The following LPP variants were observed in gnomAD, a reference collection of about 807,000 sequenced individuals.
LPP encodes lipoma-preferred partner.
Under a neutral mutation model 60.4 loss-of-function variants are expected in LPP, and 38 were observed. That is an observed-to-expected ratio of 0.63 (90% CI 0.49 to 0.83). The LOEUF is 0.83. LPP is among the 40% of genes least tolerant of loss of function. The pLI, the probability that LPP is intolerant of heterozygous loss-of-function variation, is 0.00. For missense variants in LPP, 902 were observed against 783.6 expected, an observed-to-expected ratio of 1.15 and a Z score of -1.80; for synonymous variants, 328 against 290.8, an observed-to-expected ratio of 1.13 and a Z score of -1.30.
At position 188,632,585 on chromosome 3, in the gene LPP, C is replaced by T. The variant is rs375377473; in HGVS notation, c.1113+22741C>T. On this transcript the variant is annotated intron_variant, in intron 7 of 11. Transcript: ENST00000617246. The stretch of plus-strand genomic sequence containing the variant: ...CCTCAGTTCCTTTGGAGAATGTCCT[C>T]TCTCAGCTGAAGCTGAGAACATCCA... Among the ~76,000 whole-genome samples the T allele has an allele frequency of 1.6e-4, 24 of 152,344 alleles. No homozygotes were observed. The East Asian group carries it at 4.4e-3, about 28-fold the overall frequency.
rs182516266 is a variant in LPP, at chr3:188,484,597, T to G, written c.199T>G (p.Phe67Val). 9 of 1,611,380 alleles carry G rather than the reference T, an allele frequency of 5.6e-6. No homozygotes were observed. Among genetic ancestry groups the G allele is most frequent in the Non-Finnish European group, 7.6e-6 (9 of 1,177,806 alleles). The change falls in exon 5 of 12, where the codon TTT becomes GTT. Residue 67 changes from phenylalanine (F) to valine (V), a missense_variant. Transcript: ENST00000617246. ...PYKQPGGEGD[F>V]LPPPPPPLDD... Reference sequence around the variant, plus strand: ...TGTTTACTTCTTTTCTGTAGGTGATTTTCTTCCACCCCCACCTCCACCTCT... The same window carrying G: ...TGTTTACTTCTTTTCTGTAGGTGATGTTCTTCCACCCCCACCTCCACCTCT...
In LPP at chr3:188,771,481, A is replaced by G. The variant is rs901694774; in HGVS notation, c.1410+11199A>G. Among the ~76,000 whole-genome samples the G allele has an allele frequency of 5.9e-4, 87 of 146,276 alleles. No homozygotes were observed. The Middle Eastern group carries it at 0.018, about 30-fold the overall frequency. The stretch of plus-strand genomic sequence containing the variant: ...GGAGAATCACTTGAACCCAGGAGGC[A>G]GAGGTTGCAGTGAGCTGGGATTTGT... On this transcript the variant is annotated intron_variant, in intron 9 of 11. Transcript: ENST00000617246.
chr3:188,516,842 A>G (rs1817518542), intron 5 of LPP, among the ~76,000 whole-genome samples: 1 of 152,016 alleles, frequency 6.6e-6, no homozygotes, highest in Non-Finnish European at 1.5e-5. Context: ...CTAAGGTTTA[A>G]TAAGTCCTCC....
chr3:188,543,869 C>G (rs1247542034), intron 6 of LPP, among the ~76,000 whole-genome samples: 1 of 152,144 alleles, frequency 6.6e-6, no homozygotes, highest in Non-Finnish European at 1.5e-5. Context: ...ATCTTATAAA[C>G]CTGCCGATCA....
chr3:188,843,290 T>C (rs1000020549), intron 9 of LPP, among the ~76,000 whole-genome samples: 11 of 152,142 alleles, frequency 7.2e-5, no homozygotes, highest in African/African-American at 2.7e-4. Context: ...CATTTATTCC[T>C]CCACTTTTTC....
At chr3:188,514,045 T>C (rs1305445827) in intron 5 of LPP, among the ~76,000 whole-genome samples, 4 of 152,204 alleles carry the variant, frequency 2.6e-5, no homozygotes, top group African/African-American at 9.7e-5. Context: ...CTTGATAATA[T>C]CAGCGGGACT....
chr3:188,788,844 C>T (rs1742744020), intron 9 of LPP, among the ~76,000 whole-genome samples: 1 of 152,176 alleles, frequency 6.6e-6, no homozygotes, highest in Non-Finnish European at 1.5e-5. Context: ...GCACTCATTT[C>T]ATTTTTTGTT....
At chr3:188,330,868 TAAATAAATAA>T (rs1481740146) in intron 2 of LPP, among the ~76,000 whole-genome samples, 4 of 114,656 alleles carry the variant, frequency 3.5e-5, no homozygotes, top group African/African-American at 1.9e-4. Flanking sequence ...AGTAAATAAA[TAAATAAATAA>T]ATAAATAAAT....
At chr3:188,565,338 G>A (rs531696139) in intron 6 of LPP, among the ~76,000 whole-genome samples, 155 of 152,066 alleles carry the variant, frequency 1.0e-3, no homozygotes, top group South Asian at 4.4e-3. Context: ...ATCTGAGGCT[G>A]GGACTTCACC....
At chr3:188,750,545 A>C (rs563514651) in intron 8 of LPP, among the ~76,000 whole-genome samples, 2 of 152,236 alleles carry the variant, frequency 1.3e-5, no homozygotes, top group East Asian at 3.9e-4. Flanking sequence ...GGGCCAGAGA[A>C]TTGCTTGAAC....
chr3:188,869,522 C>T (rs1018062528), intron 10 of LPP, among the ~76,000 whole-genome samples: 1 of 152,180 alleles, frequency 6.6e-6, no homozygotes, highest in African/African-American at 2.4e-5. Context: ...AACTCTTGAC[C>T]TCAGGTGATC....
intron 10 of LPP, among the ~76,000 whole-genome samples, chr3:188,867,781 G>A (rs1767051985): frequency 6.6e-6 from 1 of 152,150 alleles, no homozygotes; most frequent in Non-Finnish European, 1.5e-5. Context: ...GATGAAGCTT[G>A]TATTGCTCAC....
Position 188,609,138 on chromosome 3 carries a change from C to CTTTTT in LPP, c.430-19_430-15dup. On this transcript the variant is annotated intron_variant, in intron 6 of 11. Transcript: ENST00000617246. The surrounding 1 kb of genome is among the most constrained non-coding windows in gnomAD (Gnocchi z 6.9). ...GCAGTAATTTTTGCTTTCTTTCTTTCTTTTTTTTCCTATTCTTTTTAGAGC... is the reference window on the plus strand; with the variant it reads ...GCAGTAATTTTTGCTTTCTTTCTTTCTTTTTTTTTTTTTCCTATTCTTTTTAGAGC... 6.6e-7 allele frequency: 1 copy of CTTTTT among 1,525,116 alleles called. No homozygotes were observed. Among genetic ancestry groups the CTTTTT allele is most frequent in the Non-Finnish European group, 8.8e-7 (1 of 1,131,380 alleles). The allele number at this position is 1,525,116 out of a possible 1,614,324, so 94.5% of individuals were successfully genotyped here.
chr3:188,305,842 A>G (rs1405142827), intron 2 of LPP, among the ~76,000 whole-genome samples: 1 of 152,158 alleles, frequency 6.6e-6, no homozygotes, highest in East Asian at 1.9e-4. Context: ...TTGTAAATTA[A>G]CGGTGTTCTT....
intron 2 of LPP, among the ~76,000 whole-genome samples, chr3:188,323,534 G>A (rs1757532421): frequency 6.6e-6 from 1 of 152,176 alleles, no homozygotes; most frequent in South Asian, 2.1e-4. Flanking sequence ...GTAAACAGAG[G>A]CCATGGAAAA....
chr3:188,578,814 C>T, intron 6 of LPP, among the ~76,000 whole-genome samples: 1 of 152,088 alleles, frequency 6.6e-6, no homozygotes, highest in East Asian at 1.9e-4. Context: ...CATTGGCTAG[C>T]AGAGGAGCCA....
At chr3:188,205,274 A>T (rs1181211393) in intron 1 of LPP, among the ~76,000 whole-genome samples, 1 of 149,860 alleles carries the variant, frequency 6.7e-6, no homozygotes, top group African/African-American at 2.5e-5. Context: ...AATAGATTAT[A>T]ATCTTTTTTT....
chr3:188,260,455 T>C (rs1340834402), intron 2 of LPP, among the ~76,000 whole-genome samples: 1 of 152,146 alleles, frequency 6.6e-6, no homozygotes, highest in Non-Finnish European at 1.5e-5. Flanking sequence ...TAATGACTTA[T>C]GGCAAGGCCA....
At chr3:188,407,383 A>G (rs1783759422) in intron 4 of LPP, among the ~76,000 whole-genome samples, 1 of 152,210 alleles carries the variant, frequency 6.6e-6, no homozygotes, top group East Asian at 1.9e-4. Context: ...TGATGCCAGA[A>G]GCCTAGTTCA....
Sources: gnomAD v4.1 joint callset for allele counts (sites outside exome capture counted in the v4.1 genomes callset) on GRCh38, gnomAD v4.1.1 for gene constraint, Gnocchi (gnomAD v3.1) non-coding constraint, MANE v1.5 for transcripts, NCBI Gene and HGNC (gene_info 2026-07-23, HGNC 2026-07-21) for gene names.